Variants in TESK2 observed in about 807,000 individuals in gnomAD.
The protein encoded by TESK2 is dual specificity testis-specific protein kinase 2.
In TESK2, 39 loss-of-function variants were observed where a neutral mutation model predicts 57.1. The observed-to-expected ratio is 0.68, with a 90% CI of 0.53 to 0.89. The LOEUF is 0.89. Among genes scored for constraint, TESK2 ranks in the 40% least tolerant of loss-of-function variants. TESK2 has a pLI of 0.00. For synonymous variants in TESK2, 249 were observed against 267.9 expected (o/e 0.93, Z 0.69); for missense variants, 646 against 732.1 (o/e 0.88, Z 1.36).
intron 3 of TESK2, among the ~76,000 whole-genome samples, chr1:45,390,328 T>C (rs1281260645): frequency 1.3e-5 from 2 of 151,992 alleles, no homozygotes; most frequent in African/African-American, 2.4e-5. Context: ...TAGCCAGGCA[T>C]GGTGGCATGC....
At chr1:45,435,883 AT>A (rs1412200119) in intron 2 of TESK2, among the ~76,000 whole-genome samples, 5 of 151,888 alleles carry the variant, frequency 3.3e-5, no homozygotes, top group Admixed American at 2.6e-4. Context: ...TCTCAGCACC[AT>A]TTATTCAAGA....
intron 4 of TESK2, among the ~76,000 whole-genome samples, chr1:45,371,571 T>G (rs1648180592): frequency 6.6e-6 from 1 of 152,114 alleles, no homozygotes; most frequent in Admixed American, 6.6e-5. Flanking sequence ...TCATAGAAAC[T>G]GAAAGTACAG....
rs1647119833 is a variant in TESK2 at position 45,345,090 on chromosome 1, A to C, written c.1466T>G (p.Leu489Arg). ...TGGGATCTCTTTAACTCTGTACTTGAGACTACTTAGGCGTGGTGGGGGCCC... is the reference window on the plus strand; with the variant it reads ...TGGGATCTCTTTAACTCTGTACTTGCGACTACTTAGGCGTGGTGGGGGCCC... ...SDGPPPRLSS[L>R]KYRVKEIPPF... The change falls in exon 11 of 11, where the codon CTC becomes CGC. Residue 489 changes from leucine (L) to arginine (R), a missense_variant. By Grantham distance (102) the Leu-to-Arg change is moderately radical (BLOSUM62 -2). Transcript: ENST00000372086. The C allele has an allele frequency of 6.2e-7, 1 of 1,614,032 alleles. No individual in the cohort carries two copies. Among genetic ancestry groups the C allele is most frequent in the Admixed American group, 1.7e-5 (1 of 60,012 alleles).
intron 3 of TESK2, among the ~76,000 whole-genome samples, chr1:45,391,205 T>C (rs369411498): frequency 8.1e-5 from 12 of 148,632 alleles, no homozygotes; most frequent in African/African-American, 2.2e-4. Flanking sequence ...TGTGAGCCAC[T>C]GCGCCCAGCC....
chr1:45,397,621 A>G (rs1479352309), intron 3 of TESK2, among the ~76,000 whole-genome samples: 1 of 152,110 alleles, frequency 6.6e-6, no homozygotes, highest in East Asian at 1.9e-4. Context: ...TTATTTTTCC[A>G]ACCCGGACCC....
At chr1:45,451,767 C>T (rs545099305) in intron 2 of TESK2, among the ~76,000 whole-genome samples, 1 of 152,176 alleles carries the variant, frequency 6.6e-6, no homozygotes, top group Non-Finnish European at 1.5e-5. Flanking sequence ...GGAGTGGTGG[C>T]TCACACCTGT....
At chr1:45,398,290 T>A (rs1466454987) in intron 3 of TESK2, among the ~76,000 whole-genome samples, 1 of 151,490 alleles carries the variant, frequency 6.6e-6, no homozygotes, top group Non-Finnish European at 1.5e-5. Context: ...ATATTTCCAA[T>A]CATAATTAAT....
chr1:45,466,198 C>A (rs1425304473), intron 1 of TESK2, among the ~76,000 whole-genome samples: 1 of 151,916 alleles, frequency 6.6e-6, no homozygotes, highest in African/African-American at 2.4e-5. Context: ...AAAAATTGAC[C>A]AGGCGCGGTG....
Position 45,457,632 on chromosome 1 carries a change from T to C in TESK2, c.154A>G (p.Arg52Gly), listed in dbSNP as rs1180185807. The C allele has an allele frequency of 6.2e-7, 1 of 1,614,114 alleles. No individual in the cohort carries two copies. The highest frequency in any genetic ancestry group is 8.5e-7 in the Non-Finnish European group (1 of 1,180,020). The change falls in exon 2 of 11, where the codon AGA becomes GGA. Residue 52 changes from arginine (R) to glycine (G), a missense_variant. By Grantham distance (125) the Arg-to-Gly change is moderately radical (BLOSUM62 -2). Coordinates refer to ENST00000372086, the MANE Select transcript of TESK2 (RefSeq NM_007170.3). ...SYRALISAFS[R>G]LTRLDDFTCE... ...GTGAAATCATCCAAACGCGTCAGTC[T>C]GGAAAAGGCACTTATAAGAGCTCGA...
chr1:45,457,811 T>C lies in TESK2; in HGVS notation c.-26A>G. On this transcript the variant is annotated 5_prime_UTR_variant, in exon 2 of 11. Transcript: ENST00000372086. ...AGTCTAAATAATCACTTTTTTCTTCTTTTAAGAAGGAACTCCACACATAAA... is the reference window on the plus strand; with the variant it reads ...AGTCTAAATAATCACTTTTTTCTTCCTTTAAGAAGGAACTCCACACATAAA... 1.3e-6 allele frequency: 2 copies of C among 1,599,698 alleles called. No individual in the cohort carries two copies. The highest frequency in any genetic ancestry group is 1.7e-6 in the Non-Finnish European group (2 of 1,168,050).
At chr1:45,371,814 G>A (rs1217961169) in intron 4 of TESK2, among the ~76,000 whole-genome samples, 1 of 152,142 alleles carries the variant, frequency 6.6e-6, no homozygotes, top group East Asian at 1.9e-4. Flanking sequence ...GTTGCAGGCA[G>A]CCGAGATTAC....
intron 2 of TESK2, among the ~76,000 whole-genome samples, chr1:45,432,794 C>T (rs1423216649): frequency 3.0e-4 from 25 of 82,478 alleles, no homozygotes; most frequent in Admixed American, 1.9e-4. Flanking sequence ...GATGGAGTTT[C>T]GCTCTGTCAC....
intron 3 of TESK2, among the ~76,000 whole-genome samples, chr1:45,400,319 C>T (rs1433576033): frequency 6.6e-6 from 1 of 152,208 alleles, no homozygotes; most frequent in Non-Finnish European, 1.5e-5. Flanking sequence ...GGATTCTCCT[C>T]TAGAGCCTCC....
intron 2 of TESK2, among the ~76,000 whole-genome samples, chr1:45,450,084 G>C (rs1651809878): frequency 6.6e-6 from 1 of 152,048 alleles, no homozygotes; most frequent in Admixed American, 6.5e-5. Flanking sequence ...AACATAACTA[G>C]GTAGTCATCT....
chr1:45,432,524 T>C (rs1279807101), intron 2 of TESK2, among the ~76,000 whole-genome samples: 1 of 150,596 alleles, frequency 6.6e-6, no homozygotes, highest in Non-Finnish European at 1.5e-5. Context: ...ACCCCATCTC[T>C]ACTAAAAATA....
At chr1:45,449,539 A>G (rs890202717) in intron 2 of TESK2, among the ~76,000 whole-genome samples, 7 of 152,224 alleles carry the variant, frequency 4.6e-5, no homozygotes, top group Non-Finnish European at 7.3e-5. Context: ...TTAAGCCATG[A>G]AAAAGCATGG....
chr1:45,434,712 A>T (rs1474913507), intron 2 of TESK2, among the ~76,000 whole-genome samples: 1 of 151,432 alleles, frequency 6.6e-6, no homozygotes, highest in Non-Finnish European at 1.5e-5. Context: ...TTTACTGTTG[A>T]GTTGTTTGAG....
chr1:45,411,198 G>A (rs1650027908), intron 3 of TESK2, among the ~76,000 whole-genome samples: 1 of 152,088 alleles, frequency 6.6e-6, no homozygotes, highest in Admixed American at 6.6e-5. Flanking sequence ...CTGGTTTTCT[G>A]AGAGATTTTT....
chr1:45,432,833 G>A (rs1399757453), intron 2 of TESK2, among the ~76,000 whole-genome samples: 1 of 119,118 alleles, frequency 8.4e-6, no homozygotes, highest in African/African-American at 3.3e-5. Flanking sequence ...GCATGATCTC[G>A]CCTCACTGCA....
Sources: gnomAD v4.1 joint callset for allele counts (sites outside exome capture counted in the v4.1 genomes callset) on GRCh38, gnomAD v4.1.1 for gene constraint, MANE v1.5 for transcripts, NCBI Gene and HGNC (gene_info 2026-07-23, HGNC 2026-07-21) for gene names.